Variants in CREBRF observed in about 807,000 individuals in gnomAD.
CREBRF encodes UPF0474 protein C5orf41.
CREBRF carries 5 observed loss-of-function variants against 66.1 expected under a neutral mutation model. The ratio of observed to expected loss-of-function variants is 0.08; its 90% CI spans 0.04 to 0.16. The LOEUF is 0.16. Ranked by LOEUF, CREBRF falls within the 10% of genes least tolerant of loss-of-function variation. CREBRF has a pLI of 1.00. For synonymous variants in CREBRF, 229 were observed against 264.4 expected (o/e 0.87, Z 1.30); for missense variants, 531 against 744.9 (o/e 0.71, Z 3.34).
chr5:173,082,739 C>T (rs995578983), intron 2 of CREBRF, among the ~76,000 whole-genome samples: 6 of 150,980 alleles, frequency 4.0e-5, no homozygotes, highest in East Asian at 1.9e-4. Context: ...GAAACCCTGT[C>T]TCTACTAAAA....
intron 1 of CREBRF, among the ~76,000 whole-genome samples, chr5:173,069,141 A>G (rs1391421833): frequency 1.3e-5 from 2 of 152,212 alleles, no homozygotes; most frequent in Non-Finnish European, 2.9e-5. Flanking sequence ...GCAACATCCC[A>G]GGAGTATCAC....
chr5:173,068,187 T>C (rs567080095), intron 1 of CREBRF: 3 of 446,962 alleles, frequency 6.7e-6, no homozygotes. Flanking sequence ...TGGAAGGATA[T>C]TAAGAATACT....
At chr5:173,063,870 T>TGCC (rs1270801552) in intron 1 of CREBRF, among the ~76,000 whole-genome samples, 1 of 151,390 alleles carries the variant, frequency 6.6e-6, no homozygotes, top group African/African-American at 2.4e-5. Context: ...TACAGGCACC[T>TGCC]GCCACCATGC....
chr5:173,127,133 C>T (rs1379327525), intron 8 of CREBRF, among the ~76,000 whole-genome samples: 1 of 151,578 alleles, frequency 6.6e-6, no homozygotes, highest in Non-Finnish European at 1.5e-5. Context: ...TGCCTCTGGA[C>T]CAGTTTAAAT....
At position 173,092,427 on chromosome 5, in the gene CREBRF, T is replaced by G. The variant is rs796217410; in HGVS notation, c.1222+1026T>G. The stretch of plus-strand genomic sequence containing the variant: ...CTGGTTCACTTTAGCATTTACATGC[T>G]TGGGCTTTTGGCGCTGTTGGCTTGT... On this transcript the variant is annotated intron_variant, in intron 4 of 8. Transcript: ENST00000296953. 3 of 985,318 alleles carry G rather than the reference T, an allele frequency of 3.0e-6. No homozygotes were observed. In the African/African-American group the frequency reaches 5.2e-5, roughly 17 times the overall value. 61.0% of individuals were successfully genotyped at this position (985,318 alleles called of 1,614,324 possible). A position where few individuals can be genotyped will look rare whatever the true frequency, so the allele number is the denominator to read the frequency against.
chr5:173,080,542 T>C, intron 1 of CREBRF, 43 bp from the exon 2 acceptor site: 1 of 541,442 alleles, frequency 1.8e-6, no homozygotes, highest in Non-Finnish European at 3.3e-6. Flanking sequence ...CATCAACTTG[T>C]TTTTCCTGGA....
At chr5:173,076,712 C>T (rs890830991) in intron 1 of CREBRF, among the ~76,000 whole-genome samples, 15 of 143,660 alleles carry the variant, frequency 1.0e-4, no homozygotes, top group African/African-American at 3.4e-4. Flanking sequence ...GCTGAGATTG[C>T]ACCACTGCAT....
At chr5:173,072,363 C>T (rs1339231975) in intron 1 of CREBRF, among the ~76,000 whole-genome samples, 2 of 151,954 alleles carry the variant, frequency 1.3e-5, no homozygotes, top group African/African-American at 4.8e-5. Flanking sequence ...GCAAGCTCTG[C>T]CTCCCGGGTT....
intron 7 of CREBRF, among the ~76,000 whole-genome samples, chr5:173,121,031 A>G (rs1759127990): frequency 2.0e-5 from 3 of 152,066 alleles, no homozygotes. Context: ...TGTGTTTTCA[A>G]GAAATTTGTT....
Position 173,134,322 on chromosome 5 carries a change from G to T in CREBRF, c.*577G>T. ...CACACACAAATGTCTGTGCAAGTAA[G>T]AAAAAAAAAGCATATTCTTTGTGCC... On this transcript the variant is annotated 3_prime_UTR_variant, in exon 9 of 9. Transcript: ENST00000296953. The T allele has an allele frequency of 4.5e-6, 1 of 223,390 alleles. No homozygotes were observed. Among genetic ancestry groups the T allele is most frequent in the South Asian group, 5.3e-5 (1 of 18,918 alleles). The allele number at this position is 223,390 out of a possible 1,614,324, so 13.8% of individuals were successfully genotyped here. A position where few individuals can be genotyped will look rare whatever the true frequency, so the allele number is the denominator to read the frequency against.
Position 173,134,412 on chromosome 5 carries a change from A to G in CREBRF, c.*667A>G, listed in dbSNP as rs1470032259. ...ATGATGAAAACCCTAATGAGAAAAA[A>G]CAAGATATATAGATGGAAAAATTAT... is the stretch of plus-strand genomic sequence containing the variant. On this transcript the variant is annotated 3_prime_UTR_variant, in exon 9 of 9. Coordinates refer to ENST00000296953, the MANE Select transcript of CREBRF (RefSeq NM_153607.3). 1 of 330,848 alleles carries G rather than the reference A, an allele frequency of 3.0e-6. No homozygotes were observed. The highest frequency in any genetic ancestry group is 6.0e-6 in the Non-Finnish European group (1 of 166,476). The allele number at this position is 330,848 out of a possible 1,614,324, so 20.5% of individuals were successfully genotyped here. A position where few individuals can be genotyped will look rare whatever the true frequency, so the allele number is the denominator to read the frequency against.
Position 173,134,319 on chromosome 5 carries a change from T to C in CREBRF, c.*574T>C. ...ACACACACACAAATGTCTGTGCAAG[T>C]AAGAAAAAAAAAGCATATTCTTTGT... On this transcript the variant is annotated 3_prime_UTR_variant, in exon 9 of 9. Transcript: ENST00000296953. 1 of 227,988 alleles carries C rather than the reference T, an allele frequency of 4.4e-6. No homozygotes were observed. Among genetic ancestry groups the C allele is most frequent in the Admixed American group, 5.6e-5 (1 of 17,780 alleles). 14.1% of individuals were successfully genotyped at this position (227,988 alleles called of 1,614,324 possible).
chr5:173,115,388 T>A (rs1758965705), intron 7 of CREBRF, among the ~76,000 whole-genome samples: 1 of 152,144 alleles, frequency 6.6e-6, no homozygotes, highest in Non-Finnish European at 1.5e-5. Flanking sequence ...ATTACAGGCA[T>A]GAGCCACTGT....
At chr5:173,057,333 TGA>T (rs1255564927) in intron 1 of CREBRF, 2 of 151,004 alleles carry the variant, frequency 1.3e-5, no homozygotes, top group Non-Finnish European at 2.9e-5. Flanking sequence ...GGTGGGTCAC[TGA>T]GAGGGGAGGA....
chr5:173,080,195 A>G (rs1282622029), intron 1 of CREBRF, among the ~76,000 whole-genome samples: 1 of 152,218 alleles, frequency 6.6e-6, no homozygotes, highest in Non-Finnish European at 1.5e-5. Flanking sequence ...TTTAGCAGTA[A>G]TGATTATACA....
chr5:173,115,176 G>A (rs533988340), intron 7 of CREBRF, among the ~76,000 whole-genome samples: 71 of 149,004 alleles, frequency 4.8e-4, no homozygotes, highest in African/African-American at 1.8e-3. Context: ...GCGCGATCTC[G>A]GCTCACCGCA....
chr5:173,091,475 G>C (rs779095154), intron 4 of CREBRF, 74 bp downstream of exon 4: 1 of 1,533,678 alleles, frequency 6.5e-7, no homozygotes, highest in Non-Finnish European at 8.7e-7. Flanking sequence ...TTTTGTTTCT[G>C]TTTTGTTTGG....
chr5:173,106,434 A>T (rs545564464), intron 4 of CREBRF, among the ~76,000 whole-genome samples: 45 of 151,002 alleles, frequency 3.0e-4, no homozygotes, highest in Admixed American at 9.2e-4. Flanking sequence ...CATCTCAAAA[A>T]AAAAAGAAGA....
In CREBRF at chr5:173,108,819, G is replaced by A; in HGVS notation, c.1417+1G>A. On this transcript the variant is annotated splice_donor_variant, in intron 5 of 8. Coordinates refer to ENST00000296953, the MANE Select transcript of CREBRF (RefSeq NM_153607.3). LOFTEE classifies it high-confidence loss of function. Reference sequence around the variant, plus strand: ...TATCAGAAAAATGGCTTACATCATGGTAAGAGGGGATTGCAGTCAGATATT... The same window carrying A: ...TATCAGAAAAATGGCTTACATCATGATAAGAGGGGATTGCAGTCAGATATT... The A allele has an allele frequency of 6.2e-7, 1 of 1,609,254 alleles. No individual in the cohort carries two copies. Among genetic ancestry groups the A allele is most frequent in the Non-Finnish European group, 8.5e-7 (1 of 1,177,950 alleles).
Sources: gnomAD v4.1 joint callset for allele counts (sites outside exome capture counted in the v4.1 genomes callset) on GRCh38, gnomAD v4.1.1 for gene constraint, MANE v1.5 for transcripts, NCBI Gene and HGNC (gene_info 2026-07-23, HGNC 2026-07-21) for gene names.